Variants in ZFPM1 observed in about 807,000 individuals in gnomAD.
ZFPM1 encodes zinc finger protein ZFPM1.
A neutral mutation model predicts 46.3 loss-of-function variants in ZFPM1; 28 were observed. That is an observed-to-expected ratio of 0.60 (90% confidence interval 0.45 to 0.83). The LOEUF (loss-of-function observed/expected upper bound fraction) is 0.83, where lower values mean the gene tolerates loss of function less well. ZFPM1 is among the 40% of genes least tolerant of loss of function. ZFPM1 has a pLI of 0.00. For synonymous variants in ZFPM1, 957 were observed against 675.9 expected (o/e 1.42, Z -6.45); for missense variants, 1,878 against 1,432.4 (o/e 1.31, Z -5.02).
intron 4 of ZFPM1, among the ~76,000 whole-genome samples, chr16:88,523,909 G>A (rs928320755): frequency 1.3e-5 from 2 of 152,200 alleles, no homozygotes; most frequent in African/African-American, 2.4e-5. Flanking sequence ...GGGTGCACTC[G>A]GCGGGGCCGG....
At chr16:88,524,225 G>A (rs1173374804) in intron 4 of ZFPM1, among the ~76,000 whole-genome samples, 1 of 152,160 alleles carries the variant, frequency 6.6e-6, no homozygotes, top group Non-Finnish European at 1.5e-5. Flanking sequence ...GGTGGGGAGG[G>A]CCAGGCCCCA....
chr16:88,507,924 C>G (rs767857115), intron 3 of ZFPM1, among the ~76,000 whole-genome samples: 2 of 152,196 alleles, frequency 1.3e-5, no homozygotes, highest in Non-Finnish European at 2.9e-5. Flanking sequence ...CTCCTCTGGG[C>G]CTTGGTTGCC....
intron 4 of ZFPM1, among the ~76,000 whole-genome samples, chr16:88,515,399 C>A (rs575945663): frequency 2.4e-4 from 37 of 152,382 alleles, no homozygotes; most frequent in African/African-American, 8.7e-4. Flanking sequence ...CATCCCCAGG[C>A]AGGCCCCTGC....
At chr16:88,520,264 G>GTGGA (rs538847868) in intron 4 of ZFPM1, among the ~76,000 whole-genome samples, 1 of 150,890 alleles carries the variant, frequency 6.6e-6, no homozygotes, top group East Asian at 2.0e-4. Context: ...AGATGGATGA[G>GTGGA]TGGATGGATG....
chr16:88,492,199 CTCTG>C (rs1294193606), intron 3 of ZFPM1, among the ~76,000 whole-genome samples: 13 of 152,088 alleles, frequency 8.5e-5, no homozygotes. Flanking sequence ...CTCTCTCTCT[CTCTG>C]TCTCTCTCCA....
At chr16:88,486,773 TGC>T (rs1383653650) in intron 2 of ZFPM1, among the ~76,000 whole-genome samples, 4 of 146,508 alleles carry the variant, frequency 2.7e-5, no homozygotes, top group African/African-American at 1.0e-4. Flanking sequence ...GGATACTGGG[TGC>T]AAGTGGGTGC....
intron 3 of ZFPM1, among the ~76,000 whole-genome samples, chr16:88,496,536 T>C (rs1909940606): frequency 6.6e-6 from 1 of 151,782 alleles, no homozygotes; most frequent in East Asian, 1.9e-4. Flanking sequence ...AGGCCTGGGG[T>C]ACCCTGCGGC....
intron 3 of ZFPM1, among the ~76,000 whole-genome samples, chr16:88,499,519 G>C (rs117176026): frequency 0.048 from 7,364 of 152,300 alleles, 234 homozygotes; most frequent in South Asian, 0.11. Flanking sequence ...CCAGGGGGCA[G>C]GCAGGACCGC....
intron 4 of ZFPM1, among the ~76,000 whole-genome samples, chr16:88,526,130 G>A (rs1912296917): frequency 6.6e-6 from 1 of 152,240 alleles, no homozygotes. Context: ...ACCAGCCTCA[G>A]GGTGGGGACA....
chr16:88,521,239 C>A (rs1911860534), intron 4 of ZFPM1, among the ~76,000 whole-genome samples: 1 of 151,686 alleles, frequency 6.6e-6, no homozygotes, highest in Non-Finnish European at 1.5e-5. Flanking sequence ...CCCCCGCCTC[C>A]ATGCTGTTCC....
intron 1 of ZFPM1, among the ~76,000 whole-genome samples, chr16:88,461,240 T>TGGGGCAGGAGGCCTGGTGAGGACCGA (rs1567525943): frequency 2.1e-4 from 15 of 70,772 alleles, no homozygotes; most frequent in African/African-American, 8.0e-4. Context: ...GACCCAGGGG[T>TGGGGCAGGAGGCCTGGTGAGGACCGA]GGGGCGGGAG....
intron 1 of ZFPM1, among the ~76,000 whole-genome samples, chr16:88,481,048 G>A (rs1248406697): frequency 6.6e-6 from 1 of 152,264 alleles, no homozygotes; most frequent in Non-Finnish European, 1.5e-5. Flanking sequence ...AAGCCAATAT[G>A]CAAAATATCT....
rs1003950489 is a variant in ZFPM1 at position 88,527,037 on chromosome 16, G to A, written c.505+121G>A. On this transcript the variant is annotated intron_variant, in intron 5 of 9. Coordinates refer to ENST00000319555, the MANE Select transcript of ZFPM1 (RefSeq NM_153813.3). ...TAGGGCAGGGGATGGGGCACAGGGA[G>A]CTGCTGGCCCCGGGCGCTGCAGCAT... 2.8e-6 allele frequency: 4 copies of A among 1,430,292 alleles called. No individual in the cohort carries two copies. In the African/African-American group the frequency reaches 4.3e-5, roughly 15 times the overall value. 88.6% of individuals were successfully genotyped at this position (1,430,292 alleles called of 1,614,324 possible).
chr16:88,532,569 G>C (rs755119610), intron 7 of ZFPM1, 45 bp from the exon 8 acceptor site: 30 of 1,537,956 alleles, frequency 2.0e-5, no homozygotes, highest in African/African-American at 5.5e-5. Flanking sequence ...GGAGTCCCAA[G>C]GTTAAGCTGG....
chr16:88,483,426 C>T (rs919278187), intron 1 of ZFPM1, among the ~76,000 whole-genome samples: 2 of 152,342 alleles, frequency 1.3e-5, no homozygotes, highest in East Asian at 3.9e-4. Flanking sequence ...CCCCTTCCTC[C>T]ACCACCTCTG....
intron 3 of ZFPM1, among the ~76,000 whole-genome samples, chr16:88,501,133 G>A (rs759081090): frequency 1.9e-3 from 263 of 138,346 alleles, no homozygotes; most frequent in Middle Eastern, 7.4e-3. Flanking sequence ...ATGGATGCGG[G>A]GGCCATCCCG....
intron 3 of ZFPM1, among the ~76,000 whole-genome samples, chr16:88,507,183 T>G (rs901495923): frequency 2.0e-5 from 3 of 152,286 alleles, no homozygotes; most frequent in East Asian, 3.9e-4. Flanking sequence ...GACTCTCCCA[T>G]GCCACTTGCT....
Position 88,463,511 on chromosome 16 carries a change from G to A in ZFPM1, c.40+9833G>A, listed in dbSNP as rs539166598. On this transcript the variant is annotated intron_variant, in intron 1 of 9. Transcript: ENST00000319555. ...TGGGCATTTACTAGGCCCCTGCCTC[G>A]CACTAGGCCACCGTGCCCAGGATTT... 1.2e-4 allele frequency among the ~76,000 whole-genome samples: 18 copies of A among 152,352 alleles called. 1 individual carries two copies. In the South Asian group the frequency reaches 3.3e-3, roughly 28 times the overall value.
chr16:88,495,026 C>G (rs530375125), intron 3 of ZFPM1, among the ~76,000 whole-genome samples: 3 of 151,952 alleles, frequency 2.0e-5, no homozygotes, highest in Non-Finnish European at 2.9e-5. Flanking sequence ...TCCCTGCACG[C>G]GCTCGGGAGC....
Sources: allele counts gnomAD v4.1 joint callset (sites outside exome capture counted in the v4.1 genomes callset), GRCh38; gene constraint gnomAD v4.1.1; transcripts MANE v1.5; gene names NCBI Gene and HGNC (gene_info 2026-07-23, HGNC 2026-07-21).